Variants in RNF17 observed in about 807,000 individuals in gnomAD.
RNF17 encodes ring finger protein 17.
Under a neutral mutation model 200.5 loss-of-function variants are expected in RNF17, and 31 were observed. The observed-to-expected ratio is 0.15, with a 90% CI of 0.12 to 0.21. The LOEUF (loss-of-function observed/expected upper bound fraction) is 0.21. Among genes scored for constraint, RNF17 ranks in the 10% least tolerant of loss-of-function variants. The pLI, the probability that RNF17 is intolerant of heterozygous loss-of-function variation, is 1.00. For missense variants in RNF17, 1,628 were observed against 1,905.1 expected (o/e 0.85, Z 2.71); for synonymous variants, 606 against 637.8 (o/e 0.95, Z 0.75).
Position 24,802,452 on chromosome 13 carries a change from A to C in RNF17, c.1830A>C (p.Lys610Asn), listed in dbSNP as rs1400387373. 6 of 1,613,930 alleles carry C rather than the reference A, an allele frequency of 3.7e-6. No homozygotes were observed. In the South Asian group the frequency reaches 6.6e-5, roughly 18 times the overall value. ...TAAATAACAAGGCTGTTTCAATGAA[A>C]GTTTTTAGAGAAGAAGATGGTGTGC... ...KMVNNKAVSM[K>N]VFREEDGVLI... Residue 610 changes from lysine to asparagine, a missense_variant, in exon 14 of 36, where the codon AAA becomes AAC. Around this residue, in one of 5 missense-constraint regions of RNF17, gnomAD observed 289 missense variants for 384.9 expected, o/e 0.75. Transcript: ENST00000255324.
At chr13:24,805,092 G>A (rs747647435) in intron 15 of RNF17, among the ~76,000 whole-genome samples, 11 of 152,138 alleles carry the variant, frequency 7.2e-5, no homozygotes, top group Admixed American at 2.6e-4. Context: ...AGAACTTGTC[G>A]TCTCAAGCAC....
intron 32 of RNF17, among the ~76,000 whole-genome samples, chr13:24,872,873 AAGG>A (rs777474959): frequency 0.12 from 18,712 of 152,056 alleles, 1,265 homozygotes; most frequent in Admixed American, 0.15. Flanking sequence ...ACTTTAGATG[AAGG>A]GGGACAGCCA....
At chr13:24,837,009 C>T (rs1890069000) in intron 18 of RNF17, among the ~76,000 whole-genome samples, 1 of 150,886 alleles carries the variant, frequency 6.6e-6, no homozygotes, top group East Asian at 1.9e-4. Context: ...CTCACATAAA[C>T]TTGAACTAAA....
chr13:24,833,016 G>C (rs1209688120), intron 18 of RNF17, among the ~76,000 whole-genome samples: 1 of 152,150 alleles, frequency 6.6e-6, no homozygotes, highest in East Asian at 1.9e-4. Context: ...AAAGTTCTGG[G>C]ATTACAGGTG....
chr13:24,795,513 A>G (rs1401646559), intron 10 of RNF17, among the ~76,000 whole-genome samples: 2 of 148,958 alleles, frequency 1.3e-5, no homozygotes, highest in East Asian at 2.0e-4. Context: ...ATCTTTTCAT[A>G]TTAGTGAAGA....
chr13:24,824,310 AT>A, intron 15 of RNF17: 2 of 654,050 alleles, frequency 3.1e-6, no homozygotes, highest in East Asian at 2.8e-5. Context: ...CCTCTGCTGA[AT>A]TTTTAAATGT....
chr13:24,827,268 T>C (rs1888780466), intron 16 of RNF17, among the ~76,000 whole-genome samples: 1 of 151,890 alleles, frequency 6.6e-6, no homozygotes, highest in African/African-American at 2.4e-5. Context: ...GTTTAAAATG[T>C]TTTTTCCATT....
chr13:24,853,166 A>C (rs57168129), intron 24 of RNF17, among the ~76,000 whole-genome samples: 19,648 of 152,118 alleles, frequency 0.13, 1,381 homozygotes, highest in East Asian at 0.17. Flanking sequence ...TTCCTGCCTC[A>C]GTCTCCCAAA....
At chr13:24,884,123 AGG>A, downstream of RNF17, 1 of 1,593,976 alleles carries the variant, frequency 6.3e-7, no homozygotes, top group Non-Finnish European at 8.6e-7. Flanking sequence ...TTTTGAAGGA[AGG>A]GAAGAATTTA....
intron 31 of RNF17, among the ~76,000 whole-genome samples, chr13:24,869,792 G>C (rs1894050190): frequency 6.6e-6 from 1 of 152,032 alleles, no homozygotes; most frequent in South Asian, 2.1e-4. Flanking sequence ...TGAGATAGGG[G>C]TCACGTTTTG....
At chr13:24,828,096 A>G (rs539919008) in intron 16 of RNF17, among the ~76,000 whole-genome samples, 1 of 152,298 alleles carries the variant, frequency 6.6e-6, no homozygotes, top group African/African-American at 2.4e-5. Flanking sequence ...AAACAAAAGC[A>G]TTTTCATGAC....
upstream of RNF17, among the ~76,000 whole-genome samples, chr13:24,761,930 T>C (rs942147582): frequency 6.6e-6 from 1 of 152,178 alleles, no homozygotes; most frequent in Non-Finnish European, 1.5e-5. Context: ...TGAACACCTA[T>C]GCAATGAGAT....
At chr13:24,811,629 T>C (rs1339237374) in intron 15 of RNF17, among the ~76,000 whole-genome samples, 1 of 152,208 alleles carries the variant, frequency 6.6e-6, no homozygotes, top group African/African-American at 2.4e-5. Flanking sequence ...TCTGAAGCCT[T>C]CTTCTCTCAG....
chr13:24,781,707 C>A, intron 5 of RNF17, 137 bp from the exon 6 acceptor site: 1 of 600,314 alleles, frequency 1.7e-6, no homozygotes, highest in Non-Finnish European at 2.9e-6. Flanking sequence ...GTGACTTATT[C>A]TATTTATATT....
At chr13:24,764,042 G>A, upstream of RNF17, 1 of 607,514 alleles carries the variant, frequency 1.6e-6, no homozygotes, top group Admixed American at 2.7e-5. Flanking sequence ...CCAGGATAAC[G>A]GAAAACAGCC....
intron 10 of RNF17, among the ~76,000 whole-genome samples, chr13:24,794,783 C>T (rs1195910499): frequency 2.0e-5 from 3 of 152,146 alleles, no homozygotes; most frequent in African/African-American, 7.2e-5. Context: ...AATGCAGTGG[C>T]GCGATCCTGG....
intron 18 of RNF17, among the ~76,000 whole-genome samples, chr13:24,833,547 C>A (rs536471816): frequency 6.6e-6 from 1 of 152,234 alleles, no homozygotes; most frequent in South Asian, 2.1e-4. Flanking sequence ...GGTTTTTGCC[C>A]CCTCCTAGAA....
intron 31 of RNF17, 103 bp from the exon 32 acceptor site, chr13:24,870,468 T>C (rs1894137636): frequency 3.3e-6 from 3 of 922,074 alleles, no homozygotes; most frequent in Non-Finnish European, 5.1e-6. Flanking sequence ...TAGGGGTCTC[T>C]GGGAGCATCG....
Position 24,874,265 on chromosome 13 carries a change from CG to C in RNF17, c.4583+20del. 6.5e-7 allele frequency: 1 copy of C among 1,545,468 alleles called. No homozygotes were observed. Among genetic ancestry groups the C allele is most frequent in the East Asian group, 2.4e-5 (1 of 42,342 alleles). ...CATTAAACAGGTTAAAAATAAATGT[CG>C]GGGTGTTGAATTAGATTTCTTTTTT... On this transcript the variant is annotated intron_variant, in intron 33 of 35. Coordinates refer to ENST00000255324, the MANE Select transcript of RNF17 (RefSeq NM_031277.3).
Sources: gnomAD v4.1 joint callset for allele counts (sites outside exome capture counted in the v4.1 genomes callset) on GRCh38, gnomAD v4.1.1 for gene constraint, gnomAD v4.1.1 regional missense constraint, MANE v1.5 for transcripts, NCBI Gene and HGNC (gene_info 2026-07-23, HGNC 2026-07-21) for gene names.